The following LRRC40 variants were observed in gnomAD, a reference collection of about 807,000 sequenced individuals.
The protein encoded by LRRC40 is leucine rich repeat containing 40.
Under a neutral mutation model 72.8 loss-of-function variants are expected in LRRC40, and 76 were observed. The observed-to-expected ratio is 1.04, with a 90% CI of 0.87 to 1.26. The LOEUF (loss-of-function observed/expected upper bound fraction) is 1.26, where lower values mean the gene tolerates loss of function less well. Among genes scored for constraint, LRRC40 ranks in the 50% most tolerant of loss-of-function variants. LRRC40 has a pLI of 0.00. For synonymous variants in LRRC40, 243 were observed against 254.2 expected, an observed-to-expected ratio of 0.96 and a Z score of 0.42; for missense variants, 684 against 698.9, an observed-to-expected ratio of 0.98 and a Z score of 0.24.
rs192970842 is a variant in LRRC40, at chr1:70,156,480, C to T, written c.1221-684G>A. Among the ~76,000 whole-genome samples the T allele has an allele frequency of 2.1e-3, 314 of 152,112 alleles. 3 individuals are homozygous for T. Among genetic ancestry groups the T allele is most frequent in the African/African-American group, 7.2e-3 (300 of 41,510 alleles). ...GAAGGACTATTTATTGTTATTTATG[C>T]CACATGTTTTCAAATGTAAATATAA... is the stretch of plus-strand genomic sequence containing the variant. On this transcript the variant is annotated intron_variant, in intron 10 of 14. Coordinates refer to ENST00000370952, the MANE Select transcript of LRRC40 (RefSeq NM_017768.5).
chr1:70,181,172 C>T lies in LRRC40; in HGVS notation c.575G>A (p.Ser192Asn). The T allele has an allele frequency of 6.3e-7, 1 of 1,591,896 alleles. No homozygotes were observed. Among genetic ancestry groups the T allele is most frequent in the East Asian group, 2.3e-5 (1 of 43,838 alleles). Residue 192 changes from serine (S) to asparagine (N), a missense_variant, in exon 5 of 15, where the codon AGT (serine) becomes AAT (asparagine). Transcript: ENST00000370952. ...CACCAGACTGGACAGAGAAGAAAAA[C>T]TAGCAGGAACAGTTGTAAGATGATT... is the stretch of plus-strand genomic sequence containing the variant. ...SNNHLTTVPA[S>N]FSSLSSLVRL... is the part of the protein sequence containing the mutation.
At chr1:70,157,611 T>C (rs1667668274) in intron 10 of LRRC40, among the ~76,000 whole-genome samples, 1 of 152,008 alleles carries the variant, frequency 6.6e-6, no homozygotes, top group Non-Finnish European at 1.5e-5. Flanking sequence ...GAATAGAGAC[T>C]CAATAAATGG....
chr1:70,189,250 T>C lies in LRRC40; in HGVS notation c.175A>G (p.Asn59Asp). Residue 59 changes from asparagine to aspartate, a missense_variant, in exon 2 of 15, where the codon AAT (asparagine) becomes GAT (aspartate). Physicochemically the swap from Asn to Asp is conservative, Grantham distance 23. Transcript: ENST00000370952. ...SEVPQCVWRI[N>D]VDIPEEANQN... ...TTAGCTTCCTCAGGGATATCCACAT[T>C]TATTCTCCAGACACACTGCGGCACT... 4 of 1,610,970 alleles carry C rather than the reference T, an allele frequency of 2.5e-6. 1 individual carries two copies. Among genetic ancestry groups the C allele is most frequent in the Non-Finnish European group, 3.4e-6 (4 of 1,179,424 alleles).
At chr1:70,151,569 G>A (rs1391612653) in intron 12 of LRRC40, among the ~76,000 whole-genome samples, 3 of 151,872 alleles carry the variant, frequency 2.0e-5, no homozygotes, top group African/African-American at 7.3e-5. Flanking sequence ...TAATATATAT[G>A]ACACAGACAT....
chr1:70,152,379 C>T lies in LRRC40; in HGVS notation c.1439+54G>A, dbSNP rs1207924583. On this transcript the variant is annotated intron_variant, in intron 12 of 14. Coordinates refer to ENST00000370952, the MANE Select transcript of LRRC40 (RefSeq NM_017768.5). ...GGTAAAAAGAATAAGTTAGACAAAA[C>T]TCAAAGACAAGTTATAACTTTTTAA... The T allele has an allele frequency of 2.9e-5, 27 of 932,540 alleles. No homozygotes were observed. In the East Asian group the frequency reaches 6.2e-4, roughly 21 times the overall value. The allele number at this position is 932,540 out of a possible 1,614,324, so 57.8% of individuals were successfully genotyped here. A position where few individuals can be genotyped will look rare whatever the true frequency, so the allele number is the denominator to read the frequency against.
chr1:70,178,514 C>T (rs1480695260), intron 6 of LRRC40, among the ~76,000 whole-genome samples: 1 of 152,144 alleles, frequency 6.6e-6, no homozygotes, highest in African/African-American at 2.4e-5. Context: ...AGAGGTGACA[C>T]TTTATAGAAT....
At chr1:70,168,389 C>T (rs2100274423) in intron 9 of LRRC40, among the ~76,000 whole-genome samples, 1 of 152,318 alleles carries the variant, frequency 6.6e-6, no homozygotes, top group East Asian at 1.9e-4. Flanking sequence ...CTATTGCTGA[C>T]TCCTTCTACT....
At chr1:70,146,049 G>C in intron 14 of LRRC40, 144 bp from the exon 15 acceptor site, 2 of 532,198 alleles carry the variant, frequency 3.8e-6, no homozygotes, top group African/African-American at 1.9e-5. Flanking sequence ...TTTTGAGACA[G>C]AGTCTCACTC....
At chr1:70,157,384 AAAT>A (rs1667661389) in intron 10 of LRRC40, among the ~76,000 whole-genome samples, 1 of 152,228 alleles carries the variant, frequency 6.6e-6, no homozygotes, top group Non-Finnish European at 1.5e-5. Context: ...TTTATATTTT[AAAT>A]AAGACACTCC....
intron 9 of LRRC40, 47 bp downstream of exon 9, chr1:70,173,418 C>A: frequency 1.5e-6 from 2 of 1,357,388 alleles, no homozygotes; most frequent in Non-Finnish European, 1.0e-6. Context: ...TAATTCTTCA[C>A]CACTTTTTAT....
intron 9 of LRRC40, among the ~76,000 whole-genome samples, chr1:70,164,225 T>C (rs1667828989): frequency 6.6e-6 from 1 of 151,952 alleles, no homozygotes; most frequent in East Asian, 1.9e-4. Context: ...ACCCTATCTC[T>C]ACTAAAAATA....
intron 14 of LRRC40, 25 bp downstream of exon 14, chr1:70,148,462 C>G (rs747753038): frequency 6.7e-7 from 1 of 1,495,670 alleles, no homozygotes; most frequent in African/African-American, 1.4e-5. Flanking sequence ...ATAAATGAAA[C>G]AATGCAGTAG....
intron 11 of LRRC40, among the ~76,000 whole-genome samples, chr1:70,152,801 CTATT>C (rs1437138261): frequency 2.0e-5 from 3 of 152,080 alleles, no homozygotes; most frequent in East Asian, 1.9e-4. Flanking sequence ...ACTTAAAAAA[CTATT>C]TATTTTATAT....
chr1:70,194,219 T>C (rs1204515131), intron 1 of LRRC40, among the ~76,000 whole-genome samples: 2 of 152,058 alleles, frequency 1.3e-5, no homozygotes, highest in African/African-American at 2.4e-5. Context: ...ACAAAAAAAT[T>C]ATATGCAATC....
rs116273949 is a variant in LRRC40, at chr1:70,171,241, G to A, written c.1111+2224C>T. Reference sequence around the variant, plus strand: ...AAGACCTAAATTTTAAAACAATGGCGTTATAAAATGTTTAGAAGTATAGGC... The same window carrying A: ...AAGACCTAAATTTTAAAACAATGGCATTATAAAATGTTTAGAAGTATAGGC... On this transcript the variant is annotated intron_variant, in intron 9 of 14. Coordinates refer to ENST00000370952, the MANE Select transcript of LRRC40 (RefSeq NM_017768.5). Among the ~76,000 whole-genome samples, 697 of 150,992 alleles carry A rather than the reference G, an allele frequency of 4.6e-3. 6 individuals carry two copies. The highest frequency in any genetic ancestry group is 0.016 in the African/African-American group (675 of 41,146).
intron 1 of LRRC40, among the ~76,000 whole-genome samples, chr1:70,195,913 G>A (rs778927995): frequency 2.6e-5 from 4 of 152,144 alleles, no homozygotes; most frequent in Non-Finnish European, 5.9e-5. Context: ...TGGGAGTACA[G>A]GCGTGAGCCA....
chr1:70,154,574 T>G lies in LRRC40; in HGVS notation c.1328+1115A>C, dbSNP rs567326264. On this transcript the variant is annotated intron_variant, in intron 11 of 14. Coordinates refer to ENST00000370952, the MANE Select transcript of LRRC40 (RefSeq NM_017768.5). Reference sequence around the variant, plus strand: ...ATTAGAGATCCCTTTTGCAATGGACTATCTTAAATTTGTCGTCTTTTAAGA... The same window carrying G: ...ATTAGAGATCCCTTTTGCAATGGACGATCTTAAATTTGTCGTCTTTTAAGA... 2.6e-5 allele frequency among the ~76,000 whole-genome samples: 4 copies of G among 152,330 alleles called. No individual in the cohort carries two copies. The East Asian group carries it at 7.7e-4, about 29-fold the overall frequency.
intron 2 of LRRC40, among the ~76,000 whole-genome samples, 199 bp downstream of exon 2, chr1:70,188,893 C>A (rs1446090646): frequency 6.6e-6 from 1 of 152,044 alleles, no homozygotes; most frequent in Non-Finnish European, 1.5e-5. Flanking sequence ...GGTCACACAG[C>A]CATTAATAGC....
intron 11 of LRRC40, among the ~76,000 whole-genome samples, chr1:70,155,210 T>C (rs1326865765): frequency 1.3e-5 from 2 of 152,070 alleles, no homozygotes; most frequent in African/African-American, 2.4e-5. Context: ...AGGAGAAAAA[T>C]ATTAACAGGC....
Sources: allele counts gnomAD v4.1 joint callset (sites outside exome capture counted in the v4.1 genomes callset), GRCh38; gene constraint gnomAD v4.1.1; transcripts MANE v1.5; gene names NCBI Gene and HGNC (gene_info 2026-07-23, HGNC 2026-07-21).